The following TNNI3K variants were observed in gnomAD, a reference collection of about 807,000 sequenced individuals.
The protein encoded by TNNI3K is serine/threonine-protein kinase TNNI3K.
Under a neutral mutation model 114.5 loss-of-function variants are expected in TNNI3K, and 140 were observed. The observed-to-expected ratio is 1.22, with a 90% CI of 1.07 to 1.41. TNNI3K has a LOEUF of 1.41. Ranked by LOEUF, TNNI3K falls within the 40% of genes most tolerant of loss-of-function variation. The pLI is 0.00. For synonymous variants in TNNI3K, 347 were observed against 347.5 expected (o/e 1.00, Z 0.02); for missense variants, 1,125 against 1,007.6 (o/e 1.12, Z -1.58).
At chr1:74,472,264 A>T in intron 21 of TNNI3K, 1 of 701,322 alleles carries the variant, frequency 1.4e-6, no homozygotes, top group Non-Finnish European at 2.6e-6. Context: ...AACCAAACAG[A>T]TGCGTAGAAA....
intron 5 of TNNI3K, among the ~76,000 whole-genome samples, chr1:74,295,639 C>T (rs1037783366): frequency 1.3e-5 from 2 of 151,974 alleles, no homozygotes; most frequent in African/African-American, 4.8e-5. Context: ...ACCTGAATTT[C>T]TACTTTATCT....
At chr1:74,481,033 G>T in intron 21 of TNNI3K, 1 of 636,374 alleles carries the variant, frequency 1.6e-6, no homozygotes, top group South Asian at 1.8e-5. Context: ...GGGTATGGTG[G>T]AGAGCAGAGA....
At chr1:74,395,348 G>A (rs1664022384) in intron 17 of TNNI3K, among the ~76,000 whole-genome samples, 1 of 148,798 alleles carries the variant, frequency 6.7e-6, no homozygotes, top group Non-Finnish European at 1.5e-5. Context: ...AACTCTGCCT[G>A]CATGGAGTGG....
chr1:74,378,499 C>A (rs1042583535), intron 17 of TNNI3K, among the ~76,000 whole-genome samples: 2 of 149,680 alleles, frequency 1.3e-5, no homozygotes, highest in Non-Finnish European at 3.0e-5. Flanking sequence ...TTCAAGTGAG[C>A]ACTAATGAGG....
chr1:74,338,015 G>A (rs868481495), intron 7 of TNNI3K, among the ~76,000 whole-genome samples: 3 of 151,672 alleles, frequency 2.0e-5, no homozygotes, highest in South Asian at 2.1e-4. Context: ...TCTTATTCAC[G>A]TCTTTTTGTG....
At chr1:74,297,058 A>C (rs1246478377) in intron 5 of TNNI3K, among the ~76,000 whole-genome samples, 3 of 152,000 alleles carry the variant, frequency 2.0e-5, no homozygotes, top group Non-Finnish European at 2.9e-5. Flanking sequence ...TTTATGTGCC[A>C]TTCTCTCTTT....
chr1:74,401,515 T>C (rs775447035), intron 17 of TNNI3K, among the ~76,000 whole-genome samples: 1 of 152,226 alleles, frequency 6.6e-6, no homozygotes, highest in Non-Finnish European at 1.5e-5. Flanking sequence ...AATTCTACTG[T>C]TCAGTTATTG....
intron 2 of TNNI3K, chr1:74,240,556 A>T (rs1389323326): frequency 6.6e-6 from 1 of 152,216 alleles, no homozygotes; most frequent in African/African-American, 2.4e-5. Context: ...GGTTATGAAT[A>T]TTATACAACC....
chr1:74,490,493 A>ATAGG (rs1359061175), intron 22 of TNNI3K, among the ~76,000 whole-genome samples: 1 of 152,226 alleles, frequency 6.6e-6, no homozygotes, highest in East Asian at 1.9e-4. Flanking sequence ...TACAAACATG[A>ATAGG]TAGGATCTAC....
At chr1:74,332,571 A>C (rs1455489225) in intron 6 of TNNI3K, among the ~76,000 whole-genome samples, 1 of 152,068 alleles carries the variant, frequency 6.6e-6, no homozygotes, top group Non-Finnish European at 1.5e-5. Flanking sequence ...AAGTCCTGGG[A>C]TTACAGGTGT....
intron 17 of TNNI3K, chr1:74,374,132 T>A (rs1486665083): frequency 6.6e-6 from 1 of 151,892 alleles, no homozygotes; most frequent in Non-Finnish European, 1.5e-5. Flanking sequence ...AGTCTATACA[T>A]CTTCAGTACA....
chr1:74,241,096 A>G (rs1654172428), intron 2 of TNNI3K, among the ~76,000 whole-genome samples: 1 of 152,200 alleles, frequency 6.6e-6, no homozygotes, highest in Admixed American at 6.5e-5. Context: ...TACAAAGGAC[A>G]TGAAGTCATC....
intron 17 of TNNI3K, among the ~76,000 whole-genome samples, chr1:74,392,058 C>T (rs374162899): frequency 2.0e-5 from 3 of 150,642 alleles, no homozygotes; most frequent in Non-Finnish European, 4.4e-5. Flanking sequence ...CTCCGCCTCC[C>T]GGGTTCACGC....
chr1:74,351,449 A>G (rs1298709847), intron 9 of TNNI3K, among the ~76,000 whole-genome samples: 2 of 150,454 alleles, frequency 1.3e-5, no homozygotes, highest in African/African-American at 4.9e-5. Context: ...TGTGTCTTGG[A>G]GTTGCTCTTC....
At chr1:74,298,767 T>G (rs975899936) in intron 5 of TNNI3K, among the ~76,000 whole-genome samples, 1 of 152,122 alleles carries the variant, frequency 6.6e-6, no homozygotes, top group Non-Finnish European at 1.5e-5. Flanking sequence ...ATAAGAGACA[T>G]GTAGACATCT....
intron 21 of TNNI3K, among the ~76,000 whole-genome samples, chr1:74,485,255 T>A (rs892279423): frequency 6.6e-6 from 1 of 152,186 alleles, no homozygotes; most frequent in African/African-American, 2.4e-5. Flanking sequence ...TACAGTGAAT[T>A]TCCATGGGCA....
At chr1:74,302,654 C>G (rs1658398201) in intron 5 of TNNI3K, among the ~76,000 whole-genome samples, 1 of 152,184 alleles carries the variant, frequency 6.6e-6, no homozygotes, top group Non-Finnish European at 1.5e-5. Context: ...CACAACATTA[C>G]TTTAAGCCAA....
chr1:74,369,238 C>T lies in TNNI3K; in HGVS notation c.1446C>T (p.Cys482=). ...TTGGGAAAGTATATAAAGGACGATG[C>T]AGAAATAAAATAGTGGCTATAAAAC... ...GSFGKVYKGR[C]RNKIVAIKRY... is the part of the protein sequence containing the mutation. Residue 482 remains cysteine, a synonymous_variant, in exon 15 of 25, where the codon TGC becomes TGT. Coordinates refer to ENST00000326637, the MANE Select transcript of TNNI3K (RefSeq NM_015978.3). The T allele has an allele frequency of 6.2e-7, 1 of 1,611,854 alleles. No homozygotes were observed. The highest frequency in any genetic ancestry group is 8.5e-7 in the Non-Finnish European group (1 of 1,178,954).
At chr1:74,528,020 C>T (rs1290223067) in intron 23 of TNNI3K, among the ~76,000 whole-genome samples, 1 of 152,076 alleles carries the variant, frequency 6.6e-6, no homozygotes, top group African/African-American at 2.4e-5. Flanking sequence ...AAGGTAGTCA[C>T]GTGGGAGAGT....
Sources: gnomAD v4.1 joint callset for allele counts (sites outside exome capture counted in the v4.1 genomes callset) on GRCh38, gnomAD v4.1.1 for gene constraint, MANE v1.5 for transcripts, NCBI Gene and HGNC (gene_info 2026-07-23, HGNC 2026-07-21) for gene names.